ICA1: variants seen among roughly 807,000 people sequenced by gnomAD.
ICA1 encodes 69 kDa islet cell autoantigen.
Under a neutral mutation model 71.0 loss-of-function variants are expected in ICA1, and 40 were observed. The ratio of observed to expected loss-of-function variants is 0.56; its 90% confidence interval spans 0.44 to 0.73. The LOEUF (loss-of-function observed/expected upper bound fraction) is 0.73, where lower values mean the gene tolerates loss of function less well. Ranked by LOEUF, ICA1 falls within the 30% of genes least tolerant of loss-of-function variation. The pLI is 0.00. For missense variants in ICA1, 578 were observed against 576.5 expected, an observed-to-expected ratio of 1.00 and a Z score of -0.03; for synonymous variants, 207 against 209.5, an observed-to-expected ratio of 0.99 and a Z score of 0.10.
Position 8,126,224 on chromosome 7 carries a change from G to A in ICA1, c.1330+1649C>T, listed in dbSNP as rs562627856. On this transcript the variant is annotated intron_variant, in intron 13 of 13. Transcript: ENST00000402384. ...AAAGCTGAGGATCTGAGTGGGGTTCGTTCTGCAACACTGCTGGGGAGTCCT... is the reference window on the plus strand; with the variant it reads ...AAAGCTGAGGATCTGAGTGGGGTTCATTCTGCAACACTGCTGGGGAGTCCT... Among the ~76,000 whole-genome samples, 51 of 152,294 alleles carry A rather than the reference G, an allele frequency of 3.3e-4. No homozygotes were observed. The South Asian group carries it at 9.5e-3, about 28-fold the overall frequency.
rs527281640 is a variant in ICA1, at chr7:8,223,216, G to T, written c.257-1818C>A. On this transcript the variant is annotated intron_variant, in intron 4 of 13. Coordinates refer to ENST00000402384, the MANE Select transcript of ICA1 (RefSeq NM_001136020.3). The surrounding 1 kb of genome is among the most constrained non-coding windows in gnomAD (Gnocchi z 4.1). ...CTATGGAAAGCAATGTCTCATTTTT[G>T]ATCTTAATCGTGTGAGGCTACTGTC... 8.0e-4 allele frequency among the ~76,000 whole-genome samples: 121 copies of T among 152,128 alleles called. No individual in the cohort carries two copies. Among genetic ancestry groups the T allele is most frequent in the African/African-American group, 2.1e-3 (89 of 41,506 alleles).
At chr7:8,195,972 C>T (rs534555968) in intron 6 of ICA1, among the ~76,000 whole-genome samples, 5 of 133,414 alleles carry the variant, frequency 3.7e-5, no homozygotes, top group African/African-American at 1.6e-4. Context: ...AGTGAGGCTC[C>T]GTCTCACAAC....
At chr7:8,258,768 T>A (rs1184925024) in intron 1 of ICA1, among the ~76,000 whole-genome samples, 1 of 152,234 alleles carries the variant, frequency 6.6e-6, no homozygotes, top group East Asian at 1.9e-4. Flanking sequence ...GTTAATTTGA[T>A]GCTATAATAC....
At chr7:8,231,524 A>G (rs934504544) in intron 3 of ICA1, among the ~76,000 whole-genome samples, 10 of 152,236 alleles carry the variant, frequency 6.6e-5, no homozygotes, top group African/African-American at 2.4e-4. Context: ...TCTTGATAAT[A>G]GCTGTAATAA....
At chr7:8,142,059 G>C in intron 9 of ICA1, 3 of 1,390,450 alleles carry the variant, frequency 2.2e-6, no homozygotes, top group African/African-American at 1.4e-5. Flanking sequence ...TAAATATCTA[G>C]ATGGGCAGTT....
chr7:8,124,421 G>GTA (rs996553437), intron 13 of ICA1, among the ~76,000 whole-genome samples: 28 of 147,458 alleles, frequency 1.9e-4, no homozygotes, highest in African/African-American at 7.0e-4. Context: ...GCCCAGCCGT[G>GTA]TATAGGTAGA....
intron 9 of ICA1, among the ~76,000 whole-genome samples, chr7:8,143,429 TAGTA>T (rs913960138): frequency 9.2e-5 from 14 of 152,170 alleles, no homozygotes; most frequent in Admixed American, 4.6e-4. Context: ...GATGATGCCT[TAGTA>T]TGCATGTATC....
At chr7:8,232,376 C>T (rs1800527598) in intron 3 of ICA1, among the ~76,000 whole-genome samples, 1 of 152,166 alleles carries the variant, frequency 6.6e-6, no homozygotes, top group Admixed American at 6.5e-5. Flanking sequence ...CAATACATGG[C>T]GACTATGTTC....
At chr7:8,121,234 T>TA (rs1786793232) in intron 13 of ICA1, among the ~76,000 whole-genome samples, 2 of 152,162 alleles carry the variant, frequency 1.3e-5, no homozygotes, top group South Asian at 4.1e-4. Context: ...TGGTTTCATC[T>TA]AGTGTCATTT....
At chr7:8,168,192 G>T (rs572015406) in intron 6 of ICA1, among the ~76,000 whole-genome samples, 11 of 152,146 alleles carry the variant, frequency 7.2e-5, no homozygotes, top group Admixed American at 7.2e-4. Context: ...GGATAGCACA[G>T]ACACAGGCTG....
intron 10 of ICA1, 57 bp downstream of exon 10, chr7:8,141,708 G>T: frequency 2.8e-6 from 3 of 1,070,588 alleles, no homozygotes; most frequent in Non-Finnish European, 2.8e-6. Context: ...AAATGACTTG[G>T]CTGTTAAGCA....
At chr7:8,126,137 C>T (rs915390462) in intron 13 of ICA1, among the ~76,000 whole-genome samples, 2 of 152,188 alleles carry the variant, frequency 1.3e-5, no homozygotes, top group African/African-American at 4.8e-5. Flanking sequence ...CACTCAGCCA[C>T]CCTGGCTAAG....
intron 6 of ICA1, among the ~76,000 whole-genome samples, chr7:8,213,638 G>A (rs910116924): frequency 1.3e-5 from 2 of 152,162 alleles, no homozygotes; most frequent in Non-Finnish European, 2.9e-5. Flanking sequence ...GATTTCAGCA[G>A]TAATTAATGA....
rs1325241121 is a variant in ICA1, at chr7:8,226,031, C to G, written c.256+2570G>C. 6.6e-6 allele frequency among the ~76,000 whole-genome samples: 1 copy of G among 151,384 alleles called. No homozygotes were observed. ...AGGTTAGTTCTTTTTTTTTCTGATTCTGATCACTGTGACAATGTTATTCAT... is the reference window on the plus strand; with the variant it reads ...AGGTTAGTTCTTTTTTTTTCTGATTGTGATCACTGTGACAATGTTATTCAT... On this transcript the variant is annotated intron_variant, in intron 4 of 13. Transcript: ENST00000402384. The surrounding 1 kb of genome is among the most constrained non-coding windows in gnomAD (Gnocchi z 4.4).
Position 8,226,419 on chromosome 7 carries a change from C to T in ICA1, c.256+2182G>A, listed in dbSNP as rs1236160290. On this transcript the variant is annotated intron_variant, in intron 4 of 13. Transcript: ENST00000402384. The surrounding 1 kb of genome is among the most constrained non-coding windows in gnomAD (Gnocchi z 4.4). The stretch of plus-strand genomic sequence containing the variant: ...TAATACACACACTCTCCATATATTA[C>T]CTTTTTTTACATTTATATTTTATAT... Among the ~76,000 whole-genome samples, 1 of 152,110 alleles carries T rather than the reference C, an allele frequency of 6.6e-6. No individual in the cohort carries two copies. Among genetic ancestry groups the T allele is most frequent in the Non-Finnish European group, 1.5e-5 (1 of 68,026 alleles).
At chr7:8,198,898 T>A (rs567316555) in intron 6 of ICA1, among the ~76,000 whole-genome samples, 1 of 152,250 alleles carries the variant, frequency 6.6e-6, no homozygotes, top group South Asian at 2.1e-4. Context: ...AATAACTCAA[T>A]AGGAAAAAAT....
chr7:8,172,872 T>A (rs1006505321), intron 6 of ICA1, among the ~76,000 whole-genome samples: 1 of 152,234 alleles, frequency 6.6e-6, no homozygotes, highest in African/African-American at 2.4e-5. Flanking sequence ...TTCTGAGACA[T>A]AATTCATCTT....
Position 8,122,773 on chromosome 7 carries a change from C to T in ICA1, c.1330+5100G>A, listed in dbSNP as rs144456561. Among the ~76,000 whole-genome samples, 1,408 of 152,292 alleles carry T rather than the reference C, an allele frequency of 9.2e-3. 11 individuals carry two copies. The highest frequency in any genetic ancestry group is 0.024 in the Middle Eastern group (7 of 294). On this transcript the variant is annotated intron_variant, in intron 13 of 13. Coordinates refer to ENST00000402384, the MANE Select transcript of ICA1 (RefSeq NM_001136020.3). ...TAAATGGCAACGGCATCTCAGAATT[C>T]GGTAAAACAAAAGAATACCGTGAAG...
Position 8,123,742 on chromosome 7 carries a change from C to T in ICA1, c.1330+4131G>A, listed in dbSNP as rs1383605214. Among the ~76,000 whole-genome samples the T allele has an allele frequency of 6.6e-6, 1 of 152,150 alleles. No homozygotes were observed. The highest frequency in any genetic ancestry group is 1.5e-5 in the Non-Finnish European group (1 of 68,028). On this transcript the variant is annotated intron_variant, in intron 13 of 13. Coordinates refer to ENST00000402384, the MANE Select transcript of ICA1 (RefSeq NM_001136020.3). The surrounding 1 kb of genome is among the most constrained non-coding windows in gnomAD (Gnocchi z 4.1). ...GCCAGGGTGTCATTACAAGTCCTGCCCCTCTGACGGCTTCCTAAGAGAGGT... is the reference window on the plus strand; with the variant it reads ...GCCAGGGTGTCATTACAAGTCCTGCTCCTCTGACGGCTTCCTAAGAGAGGT...
Sources: allele counts gnomAD v4.1 joint callset (sites outside exome capture counted in the v4.1 genomes callset), GRCh38; gene constraint gnomAD v4.1.1; non-coding constraint Gnocchi (gnomAD v3.1); transcripts MANE v1.5; gene names NCBI Gene and HGNC (gene_info 2026-07-23, HGNC 2026-07-21).